The following CTNNA2 variants were observed in gnomAD, a reference collection of about 807,000 sequenced individuals.
CTNNA2 encodes catenin alpha-2.
Under a neutral mutation model 101.0 loss-of-function variants are expected in CTNNA2, and 42 were observed. That is an observed-to-expected ratio of 0.42 (90% CI 0.32 to 0.54). The LOEUF (loss-of-function observed/expected upper bound fraction) is 0.54, where lower values mean the gene tolerates loss of function less well. Among genes scored for constraint, CTNNA2 ranks in the 20% least tolerant of loss-of-function variants. CTNNA2 has a pLI of 0.14. For synonymous variants in CTNNA2, 450 were observed against 456.4 expected (o/e 0.99, Z 0.18); for missense variants, 871 against 1,223.1 (o/e 0.71, Z 4.29).
At chr2:80,207,511 G>A (rs1446108) in intron 7 of CTNNA2, among the ~76,000 whole-genome samples, 36,856 of 152,066 alleles carry the variant, frequency 0.24, 7,298 homozygotes, top group African/African-American at 0.54. Flanking sequence ...GTGAGTGTCT[G>A]AACTAGGGCT....
chr2:80,084,021 T>C (rs1699304306), intron 7 of CTNNA2, among the ~76,000 whole-genome samples: 1 of 152,034 alleles, frequency 6.6e-6, no homozygotes, highest in Non-Finnish European at 1.5e-5. Context: ...CTTCACCCAC[T>C]GCCTTCCTCT....
intron 7 of CTNNA2, among the ~76,000 whole-genome samples, chr2:79,959,184 T>G (rs2104523757): frequency 6.6e-6 from 1 of 152,202 alleles, no homozygotes; most frequent in South Asian, 2.1e-4. Context: ...GCCTCCTGAG[T>G]AACTGGGCCT....
chr2:80,378,406 A>C (rs542147470), intron 7 of CTNNA2, among the ~76,000 whole-genome samples: 69 of 141,700 alleles, frequency 4.9e-4, no homozygotes, highest in African/African-American at 1.0e-3. Flanking sequence ...AAATAAATAA[A>C]TAACAGAGAA....
At chr2:79,534,339 A>G (rs1437364595) in intron 1 of CTNNA2, among the ~76,000 whole-genome samples, 1 of 152,108 alleles carries the variant, frequency 6.6e-6, no homozygotes, top group Non-Finnish European at 1.5e-5. Flanking sequence ...TTAAAAACTG[A>G]GCTTAAGGAT....
chr2:79,341,029 T>C (rs1677125885), intron 3 of CTNNA2, among the ~76,000 whole-genome samples: 1 of 151,852 alleles, frequency 6.6e-6, no homozygotes, highest in Non-Finnish European at 1.5e-5. Flanking sequence ...ACGCTACATA[T>C]ATATATATAA....
chr2:80,159,434 T>C (rs755394743), intron 7 of CTNNA2, among the ~76,000 whole-genome samples: 4 of 152,324 alleles, frequency 2.6e-5, no homozygotes, highest in South Asian at 2.1e-4. Context: ...TAAACAAAAA[T>C]TAGCCATTCT....
intron 7 of CTNNA2, among the ~76,000 whole-genome samples, chr2:80,380,616 G>A (rs1676434408): frequency 6.6e-6 from 1 of 152,172 alleles, no homozygotes; most frequent in Non-Finnish European, 1.5e-5. Context: ...GATAACCTAG[G>A]CAAAGGTCTT....
At chr2:80,276,945 A>G (rs1443167926) in intron 7 of CTNNA2, among the ~76,000 whole-genome samples, 1 of 152,172 alleles carries the variant, frequency 6.6e-6, no homozygotes, top group Non-Finnish European at 1.5e-5. Flanking sequence ...GTCCTTTACA[A>G]GACTATTGCT....
intron 7 of CTNNA2, among the ~76,000 whole-genome samples, chr2:80,239,281 A>G (rs954491550): frequency 3.3e-5 from 5 of 152,142 alleles, no homozygotes; most frequent in African/African-American, 1.2e-4. Context: ...CCTAGAGTTG[A>G]GACCTGGGTA....
At chr2:79,209,742 T>C (rs974927816) in intron 2 of CTNNA2, among the ~76,000 whole-genome samples, 2 of 32,906 alleles carry the variant, frequency 6.1e-5, no homozygotes, top group African/African-American at 1.1e-3. Flanking sequence ...GAAATATTAC[T>C]CCTTAAGGGT....
intron 6 of CTNNA2, among the ~76,000 whole-genome samples, chr2:79,902,204 A>G (rs78532597): frequency 0.014 from 2,183 of 152,290 alleles, 151 homozygotes; most frequent in Admixed American, 0.11. Context: ...GATGATTAGC[A>G]TCGTGCATGC....
chr2:80,198,724 CT>C (rs1353579566), intron 7 of CTNNA2, among the ~76,000 whole-genome samples: 2 of 152,192 alleles, frequency 1.3e-5, no homozygotes, highest in Admixed American at 6.5e-5. Flanking sequence ...TTTATGACCC[CT>C]ATCCCAAAGT....
At chr2:79,763,315 C>T (rs981815912) in intron 3 of CTNNA2, among the ~76,000 whole-genome samples, 3 of 152,132 alleles carry the variant, frequency 2.0e-5, no homozygotes, top group Non-Finnish European at 4.4e-5. Flanking sequence ...ATTCATCTTG[C>T]ACAGACCCTG....
intron 2 of CTNNA2, among the ~76,000 whole-genome samples, chr2:79,727,301 G>A (rs978654755): frequency 6.6e-6 from 1 of 152,138 alleles, no homozygotes; most frequent in Admixed American, 6.5e-5. Context: ...ATGAAGAAAA[G>A]CATGGCATGT....
intron 7 of CTNNA2, among the ~76,000 whole-genome samples, chr2:80,070,801 G>A (rs371348984): frequency 6.6e-6 from 1 of 151,960 alleles, no homozygotes; most frequent in African/African-American, 2.4e-5. Flanking sequence ...AAGGCTCTAG[G>A]GGGGAATCTC....
intron 1 of CTNNA2, among the ~76,000 whole-genome samples, chr2:79,551,912 A>G (rs934287056): frequency 1.3e-5 from 2 of 152,152 alleles, no homozygotes; most frequent in African/African-American, 4.8e-5. Context: ...CTCTTCCTCC[A>G]ACATTGGTGA....
chr2:80,205,367 A>T (rs1707467867), intron 7 of CTNNA2, among the ~76,000 whole-genome samples: 1 of 152,228 alleles, frequency 6.6e-6, no homozygotes, highest in Non-Finnish European at 1.5e-5. Flanking sequence ...AAATAACAGC[A>T]GATATTTAGC....
intron 7 of CTNNA2, chr2:80,163,046 C>A: frequency 2.6e-6 from 4 of 1,564,624 alleles, no homozygotes; most frequent in Non-Finnish European, 3.5e-6. Context: ...TAAGTAGATT[C>A]ATTGCATAAG....
At chr2:80,265,187 C>T (rs939520600) in intron 7 of CTNNA2, among the ~76,000 whole-genome samples, 2 of 152,222 alleles carry the variant, frequency 1.3e-5, no homozygotes, top group Admixed American at 6.5e-5. Context: ...GTTGGCCAGA[C>T]TGGTCTCGAA....
Sources: gnomAD v4.1 joint callset for allele counts (sites outside exome capture counted in the v4.1 genomes callset) on GRCh38, gnomAD v4.1.1 for gene constraint, MANE v1.5 for transcripts, NCBI Gene and HGNC (gene_info 2026-07-23, HGNC 2026-07-21) for gene names.